LSAMP: variants seen among roughly 807,000 people sequenced by gnomAD.
The protein encoded by LSAMP is limbic system-associated membrane protein.
Under a neutral mutation model 38.6 loss-of-function variants are expected in LSAMP, and 7 were observed. That is an observed-to-expected ratio of 0.18 (90% CI 0.10 to 0.34). The LOEUF is 0.34. Ranked by LOEUF, LSAMP falls within the 10% of genes least tolerant of loss-of-function variation. LSAMP has a pLI of 1.00. For missense variants in LSAMP, 313 were observed against 420.0 expected (o/e 0.75, Z 2.23); for synonymous variants, 154 against 166.8 (o/e 0.92, Z 0.59).
At chr3:116,203,886 C>A (rs1480106591) in intron 1 of LSAMP, among the ~76,000 whole-genome samples, 1 of 152,118 alleles carries the variant, frequency 6.6e-6, no homozygotes, top group Non-Finnish European at 1.5e-5. Context: ...TTTATAGCAG[C>A]ATGATTTAGA....
At chr3:116,346,763 T>G (rs1430304533) in intron 1 of LSAMP, among the ~76,000 whole-genome samples, 1 of 152,232 alleles carries the variant, frequency 6.6e-6, no homozygotes, top group Non-Finnish European at 1.5e-5. Context: ...CCTGAAAATT[T>G]ATTCATTCAA....
At chr3:116,224,481 T>C (rs2046321300) in intron 1 of LSAMP, among the ~76,000 whole-genome samples, 1 of 152,240 alleles carries the variant, frequency 6.6e-6, no homozygotes, top group South Asian at 2.1e-4. Context: ...GATAGAAGGA[T>C]ACAGAACTCA....
chr3:115,956,650 G>A (rs1938464086), intron 3 of LSAMP, among the ~76,000 whole-genome samples: 1 of 152,126 alleles, frequency 6.6e-6, no homozygotes, highest in Admixed American at 6.6e-5. Flanking sequence ...TTAGGTTTAT[G>A]TCAGTTTATT....
intron 3 of LSAMP, among the ~76,000 whole-genome samples, chr3:115,985,956 A>C (rs1192867299): frequency 2.6e-5 from 4 of 152,192 alleles, no homozygotes; most frequent in Non-Finnish European, 5.9e-5. Flanking sequence ...TCAAGCTGCT[A>C]ACTTTTCGAT....
At chr3:115,920,393 T>C (rs1049140689) in intron 3 of LSAMP, among the ~76,000 whole-genome samples, 3 of 152,204 alleles carry the variant, frequency 2.0e-5, no homozygotes, top group Admixed American at 6.5e-5. Flanking sequence ...TTTTTTAATA[T>C]GACCATTCCA....
At chr3:116,281,568 T>A (rs1439973068) in intron 1 of LSAMP, among the ~76,000 whole-genome samples, 2 of 152,188 alleles carry the variant, frequency 1.3e-5, no homozygotes, top group Non-Finnish European at 2.9e-5. Context: ...AGAACTTAGT[T>A]GTGGGAACTA....
chr3:115,837,053 G>A (rs1934810951), intron 6 of LSAMP, among the ~76,000 whole-genome samples: 2 of 152,160 alleles, frequency 1.3e-5, no homozygotes, highest in Admixed American at 1.3e-4. Context: ...CCTAGGCTTT[G>A]CCAAGTCTTG....
intron 2 of LSAMP, among the ~76,000 whole-genome samples, chr3:116,043,804 G>A (rs62271283): frequency 3.9e-5 from 6 of 152,182 alleles, no homozygotes; most frequent in Non-Finnish European, 8.8e-5. Flanking sequence ...AATTAGCCAG[G>A]CATGGTGGCA....
intron 3 of LSAMP, among the ~76,000 whole-genome samples, chr3:115,921,220 A>G (rs2107523566): frequency 6.6e-6 from 1 of 152,218 alleles, no homozygotes; most frequent in Admixed American, 6.5e-5. Flanking sequence ...ATAATGAACT[A>G]TCACCATTTT....
In LSAMP at chr3:116,086,487, A is replaced by C; in HGVS notation, c.225T>G (p.His75Gln). Residue 75 changes from histidine (H) to glutamine (Q), a missense_variant, in exon 2 of 7, where the codon CAT (histidine) becomes CAG (glutamine). By Grantham distance (24) the His-to-Gln change is conservative (BLOSUM62 0). Transcript: ENST00000490035. ...CCCGTGGGTCCAGAGACCACTTGTC[A>C]TGTCCAGCAAAAATGATGCCAGAAC... The part of the protein sequence containing the change: ...LNRSGIIFAG[H>Q]DKWSLDPRVE... The C allele has an allele frequency of 6.2e-7, 1 of 1,614,146 alleles. No homozygotes were observed.
intron 1 of LSAMP, among the ~76,000 whole-genome samples, chr3:116,160,114 T>G (rs912379516): frequency 7.9e-5 from 12 of 152,188 alleles, no homozygotes; most frequent in African/African-American, 2.9e-4. Flanking sequence ...ATTGAAAAAC[T>G]ACCGGCTGGG....
intron 2 of LSAMP, among the ~76,000 whole-genome samples, chr3:116,033,779 A>G (rs1576321746): frequency 6.6e-6 from 1 of 152,086 alleles, no homozygotes; most frequent in Non-Finnish European, 1.5e-5. Flanking sequence ...CTGGGTTCAT[A>G]TAGAAAAAAA....
intron 3 of LSAMP, among the ~76,000 whole-genome samples, chr3:115,958,072 T>C (rs1344900679): frequency 6.6e-6 from 1 of 152,148 alleles, no homozygotes; most frequent in Non-Finnish European, 1.5e-5. Context: ...CATACTTACA[T>C]TAAAAAAATC....
At chr3:116,427,364 C>A (rs1365404041) in intron 1 of LSAMP, among the ~76,000 whole-genome samples, 2 of 152,000 alleles carry the variant, frequency 1.3e-5, no homozygotes, top group East Asian at 3.9e-4. Flanking sequence ...TCATGATCCA[C>A]CCGCCTCGGC....
chr3:115,818,886 G>C (rs1342216994), intron 6 of LSAMP, among the ~76,000 whole-genome samples: 2 of 143,532 alleles, frequency 1.4e-5, no homozygotes, highest in East Asian at 4.4e-4. Flanking sequence ...TTGGAGGCTG[G>C]GCGCGGCTCA....
intron 3 of LSAMP, among the ~76,000 whole-genome samples, chr3:115,997,836 AG>A: frequency 6.9e-6 from 1 of 145,262 alleles, no homozygotes; most frequent in Admixed American, 7.0e-5. Context: ...TTTATATATT[AG>A]AATATATATT....
chr3:116,212,709 T>C lies in LSAMP; in HGVS notation c.156-126153A>G, dbSNP rs556793083. Reference sequence around the variant, plus strand: ...AAAACTTGTTTTGGAGTTATAAGTTTTTGTAAGTGCTAGTTCCTTATGGCA... The same window carrying C: ...AAAACTTGTTTTGGAGTTATAAGTTCTTGTAAGTGCTAGTTCCTTATGGCA... On this transcript the variant is annotated intron_variant, in intron 1 of 6. Coordinates refer to ENST00000490035, the MANE Select transcript of LSAMP (RefSeq NM_002338.5). 3.3e-5 allele frequency among the ~76,000 whole-genome samples: 5 copies of C among 152,282 alleles called. No homozygotes were observed. The East Asian group carries it at 9.6e-4, about 29-fold the overall frequency.
rs557725105 is a variant in LSAMP at position 116,190,326 on chromosome 3, A to G, written c.156-103770T>C. Among the ~76,000 whole-genome samples the G allele has an allele frequency of 3.3e-5, 5 of 152,308 alleles. No individual in the cohort carries two copies. In the East Asian group the frequency reaches 5.8e-4, roughly 18 times the overall value. Reference sequence around the variant, plus strand: ...CCCCCCTTTTTATTAGACGCAGCCCAGAGATAAAACCTTCAAGTTATGAGT... The same window carrying G: ...CCCCCCTTTTTATTAGACGCAGCCCGGAGATAAAACCTTCAAGTTATGAGT... On this transcript the variant is annotated intron_variant, in intron 1 of 6. Transcript: ENST00000490035.
At chr3:116,181,325 AC>A (rs1295246810) in intron 1 of LSAMP, among the ~76,000 whole-genome samples, 1 of 151,998 alleles carries the variant, frequency 6.6e-6, no homozygotes, top group African/African-American at 2.4e-5. Context: ...CTCTAGAGTT[AC>A]ACTAACATAG....
Sources: allele counts gnomAD v4.1 joint callset (sites outside exome capture counted in the v4.1 genomes callset), GRCh38; gene constraint gnomAD v4.1.1; transcripts MANE v1.5; gene names NCBI Gene and HGNC (gene_info 2026-07-23, HGNC 2026-07-21).